The following BUB1 variants were observed in gnomAD, a reference collection of about 807,000 sequenced individuals.
The protein encoded by BUB1 is mitotic checkpoint serine/threonine-protein kinase BUB1.
BUB1 carries 84 observed loss-of-function variants against 135.2 expected under a neutral mutation model. The observed-to-expected ratio is 0.62, with a 90% confidence interval of 0.52 to 0.74. BUB1 has a LOEUF of 0.74. Among genes scored for constraint, BUB1 ranks in the 30% least tolerant of loss-of-function variants. The pLI is 0.00. For synonymous variants in BUB1, 403 were observed against 434.4 expected, an observed-to-expected ratio of 0.93 and a Z score of 0.90; for missense variants, 1,162 against 1,288.3, an observed-to-expected ratio of 0.90 and a Z score of 1.50.
chr2:110,651,280 G>A (rs1015958154), intron 17 of BUB1, among the ~76,000 whole-genome samples: 3 of 152,068 alleles, frequency 2.0e-5, no homozygotes, highest in Non-Finnish European at 2.9e-5. Context: ...TAATGGAGCC[G>A]AAAACCTCCA....
intron 17 of BUB1, among the ~76,000 whole-genome samples, chr2:110,651,690 G>C (rs746148243): frequency 1.3e-5 from 2 of 152,064 alleles, no homozygotes. Flanking sequence ...CCCACCCAGA[G>C]CAACTTCAGT....
chr2:110,668,063 GTTT>G (rs937546104), intron 6 of BUB1, among the ~76,000 whole-genome samples: 1 of 152,064 alleles, frequency 6.6e-6, no homozygotes, highest in Non-Finnish European at 1.5e-5. Flanking sequence ...AAAGAAAGAG[GTTT>G]TTTTGGTTGT....
chr2:110,658,784 A>C (rs761141267), intron 11 of BUB1, 42 bp from the exon 12 acceptor site: 2 of 1,609,650 alleles, frequency 1.2e-6, no homozygotes, highest in African/African-American at 2.7e-5. Context: ...CAGTAGGGAA[A>C]TCAGAATAAC....
intron 17 of BUB1, among the ~76,000 whole-genome samples, chr2:110,652,147 A>G (rs1559167349): frequency 6.6e-6 from 1 of 152,138 alleles, no homozygotes; most frequent in Admixed American, 6.6e-5. Context: ...CCTGCATGCT[A>G]AAATTTATTT....
At chr2:110,674,004 TA>T in intron 3 of BUB1, 81 bp downstream of exon 3, 1 of 1,158,272 alleles carries the variant, frequency 8.6e-7, no homozygotes, top group Non-Finnish European at 1.2e-6. Context: ...ATTAAAAGCC[TA>T]AAATGATCTT....
intron 18 of BUB1, among the ~76,000 whole-genome samples, chr2:110,649,870 C>A (rs752186827): frequency 6.6e-6 from 1 of 152,116 alleles, no homozygotes; most frequent in Non-Finnish European, 1.5e-5. Flanking sequence ...TAAGAAAAAG[C>A]TTTCTCTCCA....
chr2:110,643,899 A>G (rs1287863899), intron 19 of BUB1, among the ~76,000 whole-genome samples: 4 of 152,044 alleles, frequency 2.6e-5, no homozygotes, highest in African/African-American at 4.8e-5. Flanking sequence ...TAATACAGGC[A>G]GAGAGAAACT....
intron 9 of BUB1, chr2:110,662,049 T>C (rs1211592626): frequency 1.2e-5 from 7 of 564,590 alleles, no homozygotes; most frequent in Admixed American, 3.4e-5. Flanking sequence ...TTGTAGCTTC[T>C]GAACCACAGA....
intron 1 of BUB1, among the ~76,000 whole-genome samples, chr2:110,675,460 G>A: frequency 6.6e-6 from 1 of 152,132 alleles, no homozygotes; most frequent in East Asian, 1.9e-4. Context: ...AGCCAGTGTG[G>A]TTCAAGTGTG....
intron 1 of BUB1, among the ~76,000 whole-genome samples, chr2:110,677,323 A>G (rs1287827434): frequency 6.6e-6 from 1 of 152,222 alleles, no homozygotes; most frequent in African/African-American, 2.4e-5. Flanking sequence ...AAAACGGACC[A>G]GTTTTACTTC....
chr2:110,657,889 C>T (rs182973352), intron 13 of BUB1, among the ~76,000 whole-genome samples: 2 of 152,218 alleles, frequency 1.3e-5, no homozygotes. Flanking sequence ...GTTAATCATT[C>T]TCCTAAATCA....
intron 24 of BUB1, among the ~76,000 whole-genome samples, chr2:110,639,093 T>C (rs1689432511): frequency 6.6e-6 from 1 of 152,152 alleles, no homozygotes; most frequent in Non-Finnish European, 1.5e-5. Flanking sequence ...GTATAAGTGA[T>C]ATAATGAATA....
chr2:110,653,658 T>C (rs990653577), intron 16 of BUB1, 135 bp from the exon 17 acceptor site: 39 of 722,422 alleles, frequency 5.4e-5, no homozygotes, highest in Middle Eastern at 2.4e-4. Context: ...TAGTGTTCCA[T>C]TGTAAAATGT....
chr2:110,640,381 G>A (rs776444886), intron 23 of BUB1, among the ~76,000 whole-genome samples: 2 of 151,102 alleles, frequency 1.3e-5, no homozygotes, highest in Non-Finnish European at 2.9e-5. Flanking sequence ...ATGGGCTCCT[G>A]GAAAGACATA....
At chr2:110,665,347 G>T (rs1441702034) in intron 9 of BUB1, among the ~76,000 whole-genome samples, 1 of 152,142 alleles carries the variant, frequency 6.6e-6, no homozygotes, top group African/African-American at 2.4e-5. Context: ...GGAGGCTGAG[G>T]CAAGAGGATC....
intron 19 of BUB1, among the ~76,000 whole-genome samples, chr2:110,643,955 A>C (rs1689571306): frequency 6.6e-6 from 1 of 151,964 alleles, no homozygotes; most frequent in Non-Finnish European, 1.5e-5. Context: ...CTGTAACAGA[A>C]ATAAAGAATG....
intron 8 of BUB1, 84 bp downstream of exon 8, chr2:110,667,437 T>C: frequency 7.5e-7 from 1 of 1,325,036 alleles, no homozygotes. Context: ...ACATAGTCAA[T>C]TATTCTTTAA....
chr2:110,675,858 G>A (rs895311278), intron 1 of BUB1, among the ~76,000 whole-genome samples: 3 of 151,830 alleles, frequency 2.0e-5, no homozygotes, highest in South Asian at 2.1e-4. Context: ...ACTATATTTC[G>A]CAGGCTGGTC....
intron 1 of BUB1, 21 bp downstream of exon 1, chr2:110,677,949 C>A: frequency 6.2e-6 from 10 of 1,605,978 alleles, no homozygotes; most frequent in Non-Finnish European, 8.5e-6. Context: ...GGCTTCCCCA[C>A]CCCACCAGAC....
Sources: allele counts gnomAD v4.1 joint callset (sites outside exome capture counted in the v4.1 genomes callset), GRCh38; gene constraint gnomAD v4.1.1; transcripts MANE v1.5; gene names NCBI Gene and HGNC (gene_info 2026-07-23, HGNC 2026-07-21).